The following PPP2R3A variants were observed in gnomAD, a reference collection of about 807,000 sequenced individuals.
The protein encoded by PPP2R3A is serine/threonine-protein phosphatase 2A regulatory subunit B'' subunit alpha.
Under a neutral mutation model 106.9 loss-of-function variants are expected in PPP2R3A, and 80 were observed. The ratio of observed to expected loss-of-function variants is 0.75; its 90% CI spans 0.62 to 0.90. The LOEUF is 0.90. PPP2R3A is among the 40% of genes least tolerant of loss of function. PPP2R3A has a pLI of 0.00. For missense variants in PPP2R3A, 1,386 were observed against 1,350.4 expected, an observed-to-expected ratio of 1.03 and a Z score of -0.41; for synonymous variants, 483 against 468.3, an observed-to-expected ratio of 1.03 and a Z score of -0.41.
At chr3:136,091,059 A>T (rs1431160823) in intron 10 of PPP2R3A, among the ~76,000 whole-genome samples, 1 of 152,232 alleles carries the variant, frequency 6.6e-6, no homozygotes, top group Non-Finnish European at 1.5e-5. Context: ...ACACATCCTC[A>T]GTCTGCCAGT....
chr3:136,031,913 A>G (rs1248451400), intron 3 of PPP2R3A, among the ~76,000 whole-genome samples: 2 of 152,138 alleles, frequency 1.3e-5, no homozygotes, highest in African/African-American at 2.4e-5. Flanking sequence ...ATGGCCTTAT[A>G]GTATAGTTTG....
intron 10 of PPP2R3A, among the ~76,000 whole-genome samples, chr3:136,091,945 A>G (rs1199880118): frequency 6.6e-6 from 1 of 152,146 alleles, no homozygotes; most frequent in Non-Finnish European, 1.5e-5. Context: ...TACACTTACC[A>G]GTGAGCATCC....
intron 13 of PPP2R3A, among the ~76,000 whole-genome samples, chr3:136,129,269 T>A (rs1326794626): frequency 6.6e-6 from 1 of 150,570 alleles, no homozygotes; most frequent in East Asian, 1.9e-4. Flanking sequence ...TTGATACACC[T>A]CTACCAAGAC....
At chr3:136,052,956 A>G (rs1349471260) in intron 5 of PPP2R3A, among the ~76,000 whole-genome samples, 1 of 152,244 alleles carries the variant, frequency 6.6e-6, no homozygotes, top group Non-Finnish European at 1.5e-5. Context: ...TCTTTAAGAT[A>G]GAAAGTGACC....
chr3:136,129,506 G>A (rs1159810882), intron 13 of PPP2R3A, among the ~76,000 whole-genome samples: 1 of 152,156 alleles, frequency 6.6e-6, no homozygotes, highest in Non-Finnish European at 1.5e-5. Flanking sequence ...AACAGGCTCT[G>A]AAATTGAGGC....
At chr3:136,004,180 A>G (rs1260817891) in intron 2 of PPP2R3A, among the ~76,000 whole-genome samples, 5 of 152,234 alleles carry the variant, frequency 3.3e-5, no homozygotes, top group African/African-American at 1.2e-4. Flanking sequence ...AAAGTTTTTA[A>G]TCCATCCCCC....
intron 5 of PPP2R3A, among the ~76,000 whole-genome samples, chr3:136,058,268 C>T (rs1300386227): frequency 2.6e-5 from 4 of 152,090 alleles, no homozygotes; most frequent in African/African-American, 7.2e-5. Context: ...ATTTCAAAAA[C>T]CCCCCAGTCT....
rs1259810417 is a variant in PPP2R3A at position 136,027,000 on chromosome 3, T to G, written c.2164T>G (p.Cys722Gly). The change falls in exon 3 of 14, where the codon TGT becomes GGT. Residue 722 changes from cysteine (C) to glycine (G), a missense_variant. Physicochemically the swap from Cys to Gly is radical, Grantham distance 159. Coordinates refer to ENST00000264977, the MANE Select transcript of PPP2R3A (RefSeq NM_002718.5). ...CTTTCCTGAAGGACTCCCAGATACC[T>G]GTAGTAATCATGAACAAACTCTAAG... ...FYFPEGLPDT[C>G]SNHEQTLSRI... 1 of 1,612,670 alleles carries G rather than the reference T, an allele frequency of 6.2e-7. No individual in the cohort carries two copies. Among genetic ancestry groups the G allele is most frequent in the Admixed American group, 1.7e-5 (1 of 60,000 alleles).
In PPP2R3A at chr3:136,145,870, T is replaced by C. The variant is rs907414203; in HGVS notation, c.*704T>C. ...ATAAAAAAACACTTCTTAAATGAAG[T>C]ATAGAATTTGACTCATACTTGGAAA... On this transcript the variant is annotated 3_prime_UTR_variant, in exon 14 of 14. Transcript: ENST00000264977. 2 of 152,350 alleles carry C rather than the reference T, an allele frequency of 1.3e-5. No individual in the cohort carries two copies. Among genetic ancestry groups the C allele is most frequent in the Non-Finnish European group, 2.9e-5 (2 of 68,038 alleles). The allele number at this position is 152,350 out of a possible 1,614,324, so 9.4% of individuals were successfully genotyped here.
At chr3:136,045,535 T>C (rs568274617) in intron 4 of PPP2R3A, among the ~76,000 whole-genome samples, 1 of 152,256 alleles carries the variant, frequency 6.6e-6, no homozygotes, top group East Asian at 1.9e-4. Flanking sequence ...GTGATCTGGG[T>C]GCAGAAGTCT....
chr3:136,017,224 T>C (rs973953053), intron 2 of PPP2R3A, among the ~76,000 whole-genome samples: 2 of 152,226 alleles, frequency 1.3e-5, no homozygotes, highest in African/African-American at 4.8e-5. Context: ...AGTTACCTGA[T>C]GCTTTTACCT....
intron 8 of PPP2R3A, among the ~76,000 whole-genome samples, chr3:136,083,830 A>G (rs529777912): frequency 6.6e-6 from 1 of 152,294 alleles, no homozygotes; most frequent in East Asian, 1.9e-4. Context: ...AGTAAAGGTC[A>G]CTCTTGCTAT....
At chr3:136,138,741 C>T (rs1312416026) in intron 13 of PPP2R3A, among the ~76,000 whole-genome samples, 8 of 61,866 alleles carry the variant, frequency 1.3e-4, no homozygotes, top group African/African-American at 3.0e-4. Context: ...GAGACAGTTT[C>T]GCTCTTGTCA....
chr3:136,109,003 A>T (rs1023935209), intron 13 of PPP2R3A, among the ~76,000 whole-genome samples: 1 of 152,214 alleles, frequency 6.6e-6, no homozygotes, highest in Non-Finnish European at 1.5e-5. Flanking sequence ...AAAAGCCGGA[A>T]ATGAGCAGCC....
intron 10 of PPP2R3A, among the ~76,000 whole-genome samples, chr3:136,100,387 T>C (rs1381776834): frequency 6.6e-6 from 1 of 151,308 alleles, no homozygotes; most frequent in Admixed American, 6.6e-5. Context: ...TATTAAAAAT[T>C]AGCCAGGCTA....
chr3:136,111,799 T>C (rs1186256599), intron 13 of PPP2R3A, among the ~76,000 whole-genome samples: 2 of 152,114 alleles, frequency 1.3e-5, no homozygotes, highest in Non-Finnish European at 2.9e-5. Flanking sequence ...ACTCATTCTG[T>C]GAGGATAGCA....
Position 136,145,273 on chromosome 3 carries a change from G to C in PPP2R3A, c.*107G>C. The C allele has an allele frequency of 7.3e-7, 1 of 1,371,254 alleles. No individual in the cohort carries two copies. The highest frequency in any genetic ancestry group is 9.7e-7 in the Non-Finnish European group (1 of 1,029,150). The allele number at this position is 1,371,254 out of a possible 1,614,324, so 84.9% of individuals were successfully genotyped here. ...TTTTTAAAGACTTTGATTTCTCCAA[G>C]TGTGTATCATCTGCACTAGGAACTT... is the stretch of plus-strand genomic sequence containing the variant. On this transcript the variant is annotated 3_prime_UTR_variant, in exon 14 of 14. Transcript: ENST00000264977.
At chr3:135,974,133 C>T (rs1039129730) in intron 1 of PPP2R3A, among the ~76,000 whole-genome samples, 1 of 152,206 alleles carries the variant, frequency 6.6e-6, no homozygotes, top group Non-Finnish European at 1.5e-5. Flanking sequence ...GCTGCATTCT[C>T]TGCATTTCCC....
At chr3:136,087,073 G>A (rs112476760) in intron 8 of PPP2R3A, among the ~76,000 whole-genome samples, 1,928 of 152,226 alleles carry the variant, frequency 0.013, 44 homozygotes, top group African/African-American at 0.044. Context: ...GTATGGTGGC[G>A]CATGCCTGTA....
Sources: allele counts gnomAD v4.1 joint callset (sites outside exome capture counted in the v4.1 genomes callset), GRCh38; gene constraint gnomAD v4.1.1; transcripts MANE v1.5; gene names NCBI Gene and HGNC (gene_info 2026-07-23, HGNC 2026-07-21).